MCM9: variants seen among roughly 807,000 people sequenced by gnomAD.
The protein encoded by MCM9 is DNA helicase MCM9.
A neutral mutation model predicts 72.8 loss-of-function variants in MCM9; 55 were observed. The observed-to-expected ratio is 0.76, with a 90% CI of 0.61 to 0.95. The LOEUF is 0.95. Ranked by LOEUF, MCM9 falls within the 40% of genes least tolerant of loss-of-function variation. The pLI is 0.00. For missense variants in MCM9, 1,279 were observed against 1,377.0 expected (o/e 0.93, Z 1.13); for synonymous variants, 480 against 503.4 (o/e 0.95, Z 0.62).
intron 8 of MCM9, among the ~76,000 whole-genome samples, chr6:118,906,448 G>T (rs1780184006): frequency 6.6e-6 from 1 of 152,100 alleles, no homozygotes; most frequent in African/African-American, 2.4e-5. Flanking sequence ...TTCCCATCAT[G>T]ATTCTGTTCA....
At chr6:118,927,561 T>C (rs929872733) in intron 3 of MCM9, among the ~76,000 whole-genome samples, 3 of 151,414 alleles carry the variant, frequency 2.0e-5, no homozygotes, top group Admixed American at 1.3e-4. Flanking sequence ...GCCGAGATCG[T>C]GCCACTGTAC....
At chr6:118,929,629 C>T (rs954377651) in intron 3 of MCM9, among the ~76,000 whole-genome samples, 1 of 152,118 alleles carries the variant, frequency 6.6e-6, no homozygotes, top group Non-Finnish European at 1.5e-5. Flanking sequence ...AATAGCATTT[C>T]GACAACATTA....
At chr6:118,887,023 T>G (rs1050776688) in intron 8 of MCM9, among the ~76,000 whole-genome samples, 1 of 152,136 alleles carries the variant, frequency 6.6e-6, no homozygotes, top group East Asian at 1.9e-4. Context: ...GGCGAACTCA[T>G]GTTTACTGAT....
chr6:118,863,839 G>C (rs1273484919), intron 8 of MCM9, among the ~76,000 whole-genome samples: 1 of 152,056 alleles, frequency 6.6e-6, no homozygotes, highest in Non-Finnish European at 1.5e-5. Context: ...CTAGCATCCA[G>C]CACTCTAAGA....
chr6:118,923,315 GCT>G (rs1562439610), intron 4 of MCM9, among the ~76,000 whole-genome samples: 2 of 148,064 alleles, frequency 1.4e-5, no homozygotes, highest in Non-Finnish European at 1.5e-5. Flanking sequence ...ACAGGGTCTC[GCT>G]CTGTCAACCA....
chr6:118,816,429 ACCTC>A, intron 13 of MCM9, 135 bp from the exon 14 acceptor site: 1 of 636,190 alleles, frequency 1.6e-6, no homozygotes, highest in Non-Finnish European at 2.4e-6. Context: ...ATCAAATACA[ACCTC>A]CTAGAGCAGC....
At chr6:118,917,803 A>G (rs1020733637) in intron 5 of MCM9, 42 bp from the exon 6 acceptor site, 1 of 1,538,146 alleles carries the variant, frequency 6.5e-7, no homozygotes, top group Non-Finnish European at 9.0e-7. Context: ...AGCATCCTGC[A>G]TGCTGAGCAC....
At chr6:118,835,983 T>C (rs1342330727) in intron 9 of MCM9, among the ~76,000 whole-genome samples, 2 of 152,144 alleles carry the variant, frequency 1.3e-5, no homozygotes, top group Non-Finnish European at 2.9e-5. Flanking sequence ...CGGCTGTGGG[T>C]TTGTCATAAA....
chr6:118,924,672 G>T (rs1781730252), intron 3 of MCM9, among the ~76,000 whole-genome samples: 2 of 152,122 alleles, frequency 1.3e-5, no homozygotes, highest in African/African-American at 2.4e-5. Context: ...GACTTACCTA[G>T]CGGTTTACCC....
Position 118,849,463 on chromosome 6 carries a change from T to G in MCM9, c.1325+6908A>C, listed in dbSNP as rs1018332065. ...TGTGTGTGTGTGTGTGTATAATATA[T>G]ATACATTATATTCTCATTATACAGA... is the stretch of plus-strand genomic sequence containing the variant. On this transcript the variant is annotated intron_variant, in intron 9 of 13. Coordinates refer to ENST00000619706, the MANE Select transcript of MCM9 (RefSeq NM_017696.3). 3.8e-4 allele frequency among the ~76,000 whole-genome samples: 57 copies of G among 151,688 alleles called. 3 individuals are homozygous for G. The highest frequency in any genetic ancestry group is 1.4e-3 in the African/African-American group (56 of 41,068).
Position 118,815,690 on chromosome 6 carries a change from C to CAGCTTTG in MCM9, c.2565_2566insCAAAGCT (p.Ala856GlnfsTer10), listed in dbSNP as rs1773370035. The CAGCTTTG allele has an allele frequency of 5.2e-6, 8 of 1,548,378 alleles. No individual in the cohort carries two copies. Among genetic ancestry groups the CAGCTTTG allele is most frequent in the Non-Finnish European group, 6.1e-6 (7 of 1,146,598 alleles). Reference sequence around the variant, plus strand: ...GTGCTATTTCTGCACAACTTCTGGGCCCTCTCTTTGCACAGCTTCTGCAGG... The same window carrying CAGCTTTG: ...GTGCTATTTCTGCACAACTTCTGGGCAGCTTTGCCTCTCTTTGCACAGCTTCTGCAGG... On this transcript the variant is annotated frameshift_variant, in exon 14 of 14. Coordinates refer to ENST00000619706, the MANE Select transcript of MCM9 (RefSeq NM_017696.3). LOFTEE classifies it low-confidence loss of function (END_TRUNC).
At chr6:118,898,636 T>C (rs1011731003) in intron 8 of MCM9, among the ~76,000 whole-genome samples, 1 of 152,152 alleles carries the variant, frequency 6.6e-6, no homozygotes, top group Non-Finnish European at 1.5e-5. Context: ...CAGGCTGGTC[T>C]CGAACTCCTG....
intron 12 of MCM9, 97 bp from the exon 13 acceptor site, chr6:118,826,389 C>T (rs747394783): frequency 2.2e-4 from 277 of 1,261,966 alleles, no homozygotes; most frequent in Middle Eastern, 8.4e-4. Context: ...CTAAGACCGC[C>T]GTTTACACCC....
At chr6:118,880,269 A>T (rs1340693843) in intron 8 of MCM9, among the ~76,000 whole-genome samples, 1 of 152,214 alleles carries the variant, frequency 6.6e-6, no homozygotes, top group Non-Finnish European at 1.5e-5. Context: ...AAAAGAAATT[A>T]ACTGAGACTA....
chr6:118,934,202 A>G (rs1004054482), intron 1 of MCM9, among the ~76,000 whole-genome samples: 4 of 152,226 alleles, frequency 2.6e-5, no homozygotes, highest in African/African-American at 9.7e-5. Flanking sequence ...TTCCCTTTCA[A>G]CATCTATGCA....
intron 9 of MCM9, among the ~76,000 whole-genome samples, chr6:118,845,282 A>C (rs1270352835): frequency 2.6e-5 from 4 of 151,912 alleles, no homozygotes; most frequent in African/African-American, 9.7e-5. Context: ...TGGCGATGAG[A>C]TAATACAGCT....
At chr6:118,847,720 A>G (rs577700531) in intron 9 of MCM9, among the ~76,000 whole-genome samples, 21 of 152,008 alleles carry the variant, frequency 1.4e-4, no homozygotes, top group African/African-American at 5.1e-4. Context: ...AATACATGTC[A>G]AAAGCTCACT....
At chr6:118,925,199 G>A (rs1781791034) in intron 3 of MCM9, among the ~76,000 whole-genome samples, 1 of 152,076 alleles carries the variant, frequency 6.6e-6, no homozygotes, top group African/African-American at 2.4e-5. Context: ...GAAAGATGCT[G>A]GCTATAAAGG....
intron 8 of MCM9, chr6:118,911,202 A>G (rs1188398431): frequency 1.0e-6 from 1 of 985,576 alleles, no homozygotes; most frequent in East Asian, 1.1e-4. Flanking sequence ...TTTTCCAAAT[A>G]TTAATAAACA....
Sources: gnomAD v4.1 joint callset for allele counts (sites outside exome capture counted in the v4.1 genomes callset) on GRCh38, gnomAD v4.1.1 for gene constraint, MANE v1.5 for transcripts, NCBI Gene and HGNC (gene_info 2026-07-23, HGNC 2026-07-21) for gene names.